Variants in HMGXB4 observed in about 807,000 individuals in gnomAD.
HMGXB4 encodes HMG-box containing 4.
In HMGXB4, 27 loss-of-function variants were observed where a neutral mutation model predicts 63.9. The ratio of observed to expected loss-of-function variants is 0.42; its 90% CI spans 0.31 to 0.58. The LOEUF (loss-of-function observed/expected upper bound fraction) is 0.58. Ranked by LOEUF, HMGXB4 falls within the 20% of genes least tolerant of loss-of-function variation. The pLI, the probability that HMGXB4 is intolerant of heterozygous loss-of-function variation, is 0.13. For synonymous variants in HMGXB4, 264 were observed against 265.3 expected, an observed-to-expected ratio of 0.99 and a Z score of 0.05; for missense variants, 624 against 700.7, an observed-to-expected ratio of 0.89 and a Z score of 1.24.
At chr22:35,272,366 A>C (rs1431601350) in intron 5 of HMGXB4, among the ~76,000 whole-genome samples, 1 of 45,182 alleles carries the variant, frequency 2.2e-5, no homozygotes, top group African/African-American at 3.4e-5. Context: ...TGACTGACAC[A>C]AAGAAGGGAA....
In HMGXB4 at chr22:35,262,430, C is replaced by G; in HGVS notation, c.31+9C>G. On this transcript the variant is annotated intron_variant, in intron 2 of 10. Coordinates refer to ENST00000216106, the MANE Select transcript of HMGXB4 (RefSeq NM_001003681.3). ...CTCCGTGAAGAAAGAAGGTATGACC[C>G]CATAATCTGAGAAGCATTCCAAAGG... 1 of 1,613,214 alleles carries G rather than the reference C, an allele frequency of 6.2e-7. No homozygotes were observed. The highest frequency in any genetic ancestry group is 8.5e-7 in the Non-Finnish European group (1 of 1,179,226).
intron 5 of HMGXB4, among the ~76,000 whole-genome samples, chr22:35,267,962 T>C (rs1194990597): frequency 6.6e-6 from 1 of 152,208 alleles, no homozygotes; most frequent in African/African-American, 2.4e-5. Context: ...TTTGTAAATA[T>C]GAAATTTACA....
rs182764035 is a variant in HMGXB4 at position 35,283,336 on chromosome 22, T to C, written c.1216-626T>C. 4.6e-3 allele frequency among the ~76,000 whole-genome samples: 698 copies of C among 152,070 alleles called. 4 individuals are homozygous for C. Among genetic ancestry groups the C allele is most frequent in the Non-Finnish European group, 8.1e-3 (553 of 67,988 alleles). ...ATGAGAAAAATAGACACCCCAGGAG[T>C]GGTAAAGATTCTCTTAGCACTTAAT... On this transcript the variant is annotated intron_variant, in intron 5 of 10. Transcript: ENST00000216106.
chr22:35,253,380 C>T (rs1922269966), upstream of HMGXB4, among the ~76,000 whole-genome samples: 1 of 152,162 alleles, frequency 6.6e-6, no homozygotes, highest in African/African-American at 2.4e-5. Context: ...ACAAAACACA[C>T]ATACACACAG....
Position 35,262,097 on chromosome 22 carries a change from C to G in HMGXB4, c.-68-226C>G, listed in dbSNP as rs544705161. The G allele has an allele frequency of 1.1e-5, 4 of 353,908 alleles. No homozygotes were observed. In the South Asian group the frequency reaches 2.1e-4, roughly 18 times the overall value. 21.9% of individuals were successfully genotyped at this position (353,908 alleles called of 1,614,324 possible). On this transcript the variant is annotated intron_variant, in intron 1 of 10. Transcript: ENST00000216106. The stretch of plus-strand genomic sequence containing the variant: ...GTATTGGAGGTATTTTATATACTTC[C>G]CCAAATGACAACTTTAATTCATGAC...
chr22:35,254,567 C>G (rs1056578653), upstream of HMGXB4, among the ~76,000 whole-genome samples: 1 of 152,176 alleles, frequency 6.6e-6, no homozygotes, highest in Non-Finnish European at 1.5e-5. Context: ...CGTAGCCAAC[C>G]TGGCATTATT....
intron 5 of HMGXB4, among the ~76,000 whole-genome samples, chr22:35,275,356 G>A (rs866487128): frequency 1.3e-5 from 2 of 152,034 alleles, no homozygotes; most frequent in African/African-American, 2.4e-5. Flanking sequence ...CTAACCTCAG[G>A]TGATCCACCT....
intron 5 of HMGXB4, among the ~76,000 whole-genome samples, chr22:35,270,886 G>C (rs1447163830): frequency 6.6e-6 from 1 of 152,164 alleles, no homozygotes; most frequent in African/African-American, 2.4e-5. Context: ...TTTTAAACCT[G>C]ATTTGTGCAT....
intron 6 of HMGXB4, among the ~76,000 whole-genome samples, chr22:35,285,667 T>TGAGGTAGAGGTTGCA (rs1350514302): frequency 1.3e-5 from 2 of 152,182 alleles, no homozygotes; most frequent in Non-Finnish European, 2.9e-5. Context: ...TTGAGGCTGC[T>TGAGGTAGAGGTTGCA]GTGAGCCATG....
rs542945038 is a variant in HMGXB4, at chr22:35,270,145, T to C, written c.1215+4542T>C. On this transcript the variant is annotated intron_variant, in intron 5 of 10. Transcript: ENST00000216106. Reference sequence around the variant, plus strand: ...CGCGGCCTGTGGGGAACCAGCCACATAGCAGGAGTTGAGTGGCGGGCAAGC... The same window carrying C: ...CGCGGCCTGTGGGGAACCAGCCACACAGCAGGAGTTGAGTGGCGGGCAAGC... 2.5e-4 allele frequency among the ~76,000 whole-genome samples: 38 copies of C among 152,266 alleles called. No individual in the cohort carries two copies. In the South Asian group the frequency reaches 6.6e-3, roughly 27 times the overall value.
upstream of HMGXB4, among the ~76,000 whole-genome samples, chr22:35,252,487 C>A (rs1408885542): frequency 6.6e-6 from 1 of 152,236 alleles, no homozygotes; most frequent in African/African-American, 2.4e-5. Context: ...CTGTGATGGG[C>A]TTGTTTCACT....
chr22:35,293,715 G>A lies in HMGXB4; in HGVS notation c.*64G>A. 2 of 1,257,274 alleles carry A rather than the reference G, an allele frequency of 1.6e-6. No individual in the cohort carries two copies. The highest frequency in any genetic ancestry group is 2.3e-6 in the Non-Finnish European group (2 of 863,978). The allele number at this position is 1,257,274 out of a possible 1,614,324, so 77.9% of individuals were successfully genotyped here. Reference sequence around the variant, plus strand: ...ATTGCTGGTTTGTGTATATATGACTGTTGCAGATTCCTTCAGTGGCCTCTG... The same window carrying A: ...ATTGCTGGTTTGTGTATATATGACTATTGCAGATTCCTTCAGTGGCCTCTG... On this transcript the variant is annotated 3_prime_UTR_variant, in exon 11 of 11. Coordinates refer to ENST00000216106, the MANE Select transcript of HMGXB4 (RefSeq NM_001003681.3).
At chr22:35,280,488 T>C (rs1924179535) in intron 5 of HMGXB4, among the ~76,000 whole-genome samples, 1 of 152,196 alleles carries the variant, frequency 6.6e-6, no homozygotes, top group Non-Finnish European at 1.5e-5. Flanking sequence ...TTATTTGCTT[T>C]TCTCCCAACC....
upstream of HMGXB4, among the ~76,000 whole-genome samples, chr22:35,256,509 A>G (rs1568991469): frequency 6.6e-6 from 1 of 152,014 alleles, no homozygotes; most frequent in Non-Finnish European, 1.5e-5. Flanking sequence ...ATATATATAT[A>G]TATTTTTTGA....
intron 9 of HMGXB4, among the ~76,000 whole-genome samples, chr22:35,291,122 T>C (rs1924907183): frequency 6.6e-6 from 1 of 152,020 alleles, no homozygotes; most frequent in Non-Finnish European, 1.5e-5. Flanking sequence ...AATTAGCCAG[T>C]TGTGGTGGTG....
the HMGXB4 span, among the ~76,000 whole-genome samples, chr22:35,241,861 G>A: frequency 3.2e-4 from 48 of 152,262 alleles, no homozygotes; most frequent in African/African-American, 8.9e-4. Context: ...TCTTGCAGTC[G>A]ACCTGGGGCT....
chr22:35,274,509 T>C (rs1003100904), intron 5 of HMGXB4, among the ~76,000 whole-genome samples: 3 of 151,856 alleles, frequency 2.0e-5, no homozygotes, highest in Admixed American at 2.0e-4. Flanking sequence ...ACTACACTAG[T>C]TTTTTATCTA....
At chr22:35,255,201 A>T (rs1922338491), upstream of HMGXB4, among the ~76,000 whole-genome samples, 2 of 152,174 alleles carry the variant, frequency 1.3e-5, no homozygotes, top group Non-Finnish European at 2.9e-5. Flanking sequence ...AAAGGGAAAA[A>T]GAAACTCCTT....
intron 9 of HMGXB4, among the ~76,000 whole-genome samples, chr22:35,292,603 T>G (rs1481776189): frequency 6.6e-6 from 1 of 152,226 alleles, no homozygotes; most frequent in Non-Finnish European, 1.5e-5. Context: ...AGGATTCTCA[T>G]AGTAATCACA....
Sources: gnomAD v4.1 joint callset for allele counts (sites outside exome capture counted in the v4.1 genomes callset) on GRCh38, gnomAD v4.1.1 for gene constraint, MANE v1.5 for transcripts, NCBI Gene and HGNC (gene_info 2026-07-23, HGNC 2026-07-21) for gene names.